UROS: variants seen among roughly 807,000 people sequenced by gnomAD.
UROS encodes the protein uroporphyrinogen-III synthase.
UROS carries 18 observed loss-of-function variants against 33.0 expected under a neutral mutation model. The ratio of observed to expected loss-of-function variants is 0.55; its 90% confidence interval spans 0.38 to 0.81. UROS has a LOEUF of 0.81. Among genes scored for constraint, UROS ranks in the 30% least tolerant of loss-of-function variants. UROS has a pLI of 0.00. For missense variants in UROS, 293 were observed against 314.9 expected (o/e 0.93, Z 0.53); for synonymous variants, 114 against 121.1 (o/e 0.94, Z 0.38).
chr10:125,818,395 A>C (rs1318263183), intron 1 of UROS, among the ~76,000 whole-genome samples: 1 of 152,130 alleles, frequency 6.6e-6, no homozygotes, highest in African/African-American at 2.4e-5. Context: ...CAGGAGGCTG[A>C]GGTGGGAGAA....
In UROS at chr10:125,796,908, C is replaced by T. The variant is rs976364666; in HGVS notation, c.476-720G>A. The T allele has an allele frequency of 1.4e-5, 13 of 959,460 alleles. No individual in the cohort carries two copies. In the African/African-American group the frequency reaches 2.3e-4, roughly 17 times the overall value. 59.4% of individuals were successfully genotyped at this position (959,460 alleles called of 1,614,324 possible). On this transcript the variant is annotated intron_variant, in intron 7 of 9. Coordinates refer to ENST00000368797, the MANE Select transcript of UROS (RefSeq NM_000375.3). ...CTCTCAGAAGAAATGATAACTTCAGCATAAAACAGCAACCTATTGCCATTT... is the reference window on the plus strand; with the variant it reads ...CTCTCAGAAGAAATGATAACTTCAGTATAAAACAGCAACCTATTGCCATTT...
chr10:125,791,343 A>G (rs930035991), intron 9 of UROS, among the ~76,000 whole-genome samples: 1 of 152,204 alleles, frequency 6.6e-6, no homozygotes, highest in Non-Finnish European at 1.5e-5. Context: ...AAAAATAAGG[A>G]CATGGAGGAT....
chr10:125,815,234 C>A (rs1328610266), intron 3 of UROS, 104 bp from the exon 4 acceptor site: 6 of 1,248,820 alleles, frequency 4.8e-6, no homozygotes, highest in Non-Finnish European at 6.9e-6. Flanking sequence ...TAGTAGTAGG[C>A]AAACTAATTC....
At chr10:125,803,059 G>C in intron 6 of UROS, 1 of 1,612,828 alleles carries the variant, frequency 6.2e-7, no homozygotes, top group Non-Finnish European at 8.5e-7. Flanking sequence ...TTTGGACTTG[G>C]ACTAAGTATC....
intron 9 of UROS, 40 bp from the exon 10 acceptor site, chr10:125,789,045 G>C: frequency 6.2e-7 from 1 of 1,609,994 alleles, no homozygotes; most frequent in Non-Finnish European, 8.5e-7. Context: ...CAGCACACCA[G>C]GAGGGGCTGG....
At chr10:125,798,216 A>G (rs1346993408) in intron 6 of UROS, 71 bp from the exon 7 acceptor site, 6 of 1,513,922 alleles carry the variant, frequency 4.0e-6, no homozygotes, top group African/African-American at 1.4e-5. Flanking sequence ...GGGGAGGGGC[A>G]GCTTTGGGAA....
At chr10:125,799,806 C>T (rs1851667379) in intron 6 of UROS, among the ~76,000 whole-genome samples, 1 of 150,666 alleles carries the variant, frequency 6.6e-6, no homozygotes, top group African/African-American at 2.4e-5. Flanking sequence ...CTGGCTGAGT[C>T]CTCCTTTGCT....
At chr10:125,798,951 C>A (rs1249180716) in intron 6 of UROS, among the ~76,000 whole-genome samples, 1 of 152,332 alleles carries the variant, frequency 6.6e-6, no homozygotes, top group East Asian at 1.9e-4. Flanking sequence ...TTTAGTAGAA[C>A]CAGCCATTAC....
intron 5 of UROS, among the ~76,000 whole-genome samples, chr10:125,811,674 CA>C (rs1852823786): frequency 6.6e-6 from 1 of 152,104 alleles, no homozygotes; most frequent in Non-Finnish European, 1.5e-5. Context: ...TAATTTATGA[CA>C]ATTGCTAAGC....
intron 1 of UROS, among the ~76,000 whole-genome samples, chr10:125,817,929 T>C (rs944070200): frequency 2.0e-4 from 30 of 152,230 alleles, no homozygotes; most frequent in African/African-American, 6.8e-4. Flanking sequence ...AGTTTAGTTA[T>C]GCAAACACCC....
chr10:125,800,015 C>T (rs916563549), intron 6 of UROS, among the ~76,000 whole-genome samples: 1 of 152,176 alleles, frequency 6.6e-6, no homozygotes, highest in Admixed American at 6.5e-5. Context: ...GTTCGTTTAA[C>T]AGGAAGAAGG....
intron 6 of UROS, among the ~76,000 whole-genome samples, chr10:125,804,820 C>A (rs1302566747): frequency 6.6e-6 from 1 of 152,214 alleles, no homozygotes; most frequent in East Asian, 1.9e-4. Flanking sequence ...CTTAATCCAC[C>A]CTGCCTTATC....
intron 5 of UROS, among the ~76,000 whole-genome samples, chr10:125,811,598 A>G (rs1298953348): frequency 6.6e-6 from 1 of 152,188 alleles, no homozygotes; most frequent in Non-Finnish European, 1.5e-5. Context: ...CACTCATATT[A>G]TACATTCCTC....
At chr10:125,821,757 G>T (rs543198134) in intron 1 of UROS, among the ~76,000 whole-genome samples, 1 of 152,256 alleles carries the variant, frequency 6.6e-6, no homozygotes, top group East Asian at 1.9e-4. Context: ...CTTTTGATGG[G>T]TCTTTTTTGA....
At chr10:125,803,663 G>A (rs1013313152) in intron 6 of UROS, among the ~76,000 whole-genome samples, 5 of 152,326 alleles carry the variant, frequency 3.3e-5, no homozygotes, top group African/African-American at 9.6e-5. Context: ...TAGGCCTGGG[G>A]AGGACCAATC....
Position 125,789,260 on chromosome 10 carries a change from G to C in UROS, c.661-255C>G, listed in dbSNP as rs536310560. 4.2e-5 allele frequency: 60 copies of C among 1,413,558 alleles called. No homozygotes were observed. In the African/African-American group the frequency reaches 8.2e-4, roughly 19 times the overall value. The allele number at this position is 1,413,558 out of a possible 1,614,324, so 87.6% of individuals were successfully genotyped here. A position where few individuals can be genotyped will look rare whatever the true frequency, so the allele number is the denominator to read the frequency against. The stretch of plus-strand genomic sequence containing the variant: ...AGGCTCAGGTGAGGGGCAGGGACTT[G>C]AAGGCCCCAGGCTGGTGCTCACCAT... On this transcript the variant is annotated intron_variant, in intron 9 of 9. Coordinates refer to ENST00000368797, the MANE Select transcript of UROS (RefSeq NM_000375.3).
chr10:125,820,192 A>C (rs1311468259), intron 1 of UROS, among the ~76,000 whole-genome samples: 1 of 152,160 alleles, frequency 6.6e-6, no homozygotes, highest in Admixed American at 6.5e-5. Flanking sequence ...ATTTGTTATA[A>C]GGTATTAGCT....
At chr10:125,812,626 T>C (rs927230799) in intron 4 of UROS, among the ~76,000 whole-genome samples, 3 of 152,186 alleles carry the variant, frequency 2.0e-5, no homozygotes, top group Admixed American at 6.5e-5. Flanking sequence ...AAATCTAGAC[T>C]TTTAAAGAAA....
chr10:125,788,241 CA>C (rs1364392055), downstream of UROS, among the ~76,000 whole-genome samples: 1 of 152,300 alleles, frequency 6.6e-6, no homozygotes, highest in African/African-American at 2.4e-5. Flanking sequence ...AACAGATTTC[CA>C]AAGCCTTTCT....
Sources: allele counts gnomAD v4.1 joint callset (sites outside exome capture counted in the v4.1 genomes callset), GRCh38; gene constraint gnomAD v4.1.1; transcripts MANE v1.5; gene names NCBI Gene and HGNC (gene_info 2026-07-23, HGNC 2026-07-21).